The following GLI2 variants were observed in gnomAD, a reference collection of about 807,000 sequenced individuals.
GLI2 encodes the protein GLI family zinc finger 2.
Under a neutral mutation model 78.9 loss-of-function variants are expected in GLI2, and 22 were observed. That is an observed-to-expected ratio of 0.28 (90% CI 0.20 to 0.40). The LOEUF (loss-of-function observed/expected upper bound fraction) is 0.40. Among genes scored for constraint, GLI2 ranks in the 10% least tolerant of loss-of-function variants. The pLI, the probability that GLI2 is intolerant of heterozygous loss-of-function variation, is 1.00. For missense variants in GLI2, 2,097 were observed against 2,213.2 expected (o/e 0.95, Z 1.05); for synonymous variants, 974 against 963.7 (o/e 1.01, Z -0.20).
chr2:120,764,323 G>A (rs707493), intron 1 of GLI2, among the ~76,000 whole-genome samples: 14,791 of 152,272 alleles, frequency 0.097, 1,071 homozygotes, highest in African/African-American at 0.19. Context: ...ACCTCCAGGC[G>A]GTCAGGAGCA....
At chr2:120,775,565 C>T (rs1683652901) in intron 1 of GLI2, among the ~76,000 whole-genome samples, 1 of 152,178 alleles carries the variant, frequency 6.6e-6, no homozygotes, top group African/African-American at 2.4e-5. Context: ...CCATGCACCT[C>T]TCAGCAGAGC....
intron 2 of GLI2, among the ~76,000 whole-genome samples, chr2:120,803,534 C>A (rs563877280): frequency 5.9e-4 from 90 of 152,210 alleles, no homozygotes; most frequent in Non-Finnish European, 1.1e-3. Flanking sequence ...AGGTGGGAAA[C>A]CCAGGTTTCT....
intron 2 of GLI2, among the ~76,000 whole-genome samples, chr2:120,802,660 T>C (rs6726309): frequency 0.58 from 88,068 of 152,034 alleles, 25,960 homozygotes; most frequent in South Asian, 0.7. Context: ...GGGACTACTA[T>C]TCAGAGCCTC....
At chr2:120,811,474 C>A (rs1439509390) in intron 2 of GLI2, among the ~76,000 whole-genome samples, 2 of 152,178 alleles carry the variant, frequency 1.3e-5, no homozygotes, top group African/African-American at 4.8e-5. Context: ...GGTGGCATCG[C>A]TAAGGAGGGC....
At chr2:120,869,549 C>T (rs569778619) in intron 2 of GLI2, among the ~76,000 whole-genome samples, 1 of 152,264 alleles carries the variant, frequency 6.6e-6, no homozygotes, top group African/African-American at 2.4e-5. Flanking sequence ...CACTTGGGTC[C>T]AGCATTCCTC....
chr2:120,873,461 T>C (rs1238728242), intron 2 of GLI2, among the ~76,000 whole-genome samples: 1 of 152,232 alleles, frequency 6.6e-6, no homozygotes, highest in Non-Finnish European at 1.5e-5. Flanking sequence ...CTCTTTGCTG[T>C]CTGGCCTAGT....
chr2:120,758,761 C>T (rs1286087463), intron 1 of GLI2, among the ~76,000 whole-genome samples: 4 of 152,186 alleles, frequency 2.6e-5, no homozygotes, highest in African/African-American at 9.7e-5. Context: ...CCCTGGGGAG[C>T]CCACCATCCA....
At chr2:120,767,957 C>G (rs924077274) in intron 1 of GLI2, among the ~76,000 whole-genome samples, 5 of 152,202 alleles carry the variant, frequency 3.3e-5, no homozygotes, top group African/African-American at 1.2e-4. Flanking sequence ...CCACCACTGC[C>G]ACCCTCACCC....
At chr2:120,745,095 G>A (rs973376169) in intron 1 of GLI2, among the ~76,000 whole-genome samples, 1 of 152,112 alleles carries the variant, frequency 6.6e-6, no homozygotes, top group East Asian at 1.9e-4. Flanking sequence ...TCTAGAGCAG[G>A]GTCTCTCTTT....
intron 1 of GLI2, among the ~76,000 whole-genome samples, chr2:120,752,050 T>C (rs994698764): frequency 1.3e-5 from 2 of 152,210 alleles, no homozygotes; most frequent in African/African-American, 4.8e-5. Flanking sequence ...GAACGGCTGA[T>C]AGTGAGTATG....
chr2:120,929,306 C>G (rs56358840), intron 3 of GLI2, among the ~76,000 whole-genome samples: 67,746 of 152,110 alleles, frequency 0.45, 17,075 homozygotes, highest in Middle Eastern at 0.68. Flanking sequence ...TTAAAGTTGT[C>G]CCGTTCGTAA....
intron 2 of GLI2, among the ~76,000 whole-genome samples, chr2:120,810,754 G>T (rs1288967465): frequency 6.6e-6 from 1 of 152,236 alleles, no homozygotes; most frequent in African/African-American, 2.4e-5. Context: ...GTGGCGTTCT[G>T]GTCCTCCGTA....
At chr2:120,771,447 C>T (rs757446780) in intron 1 of GLI2, among the ~76,000 whole-genome samples, 15 of 152,248 alleles carry the variant, frequency 9.9e-5, no homozygotes, top group African/African-American at 3.1e-4. Context: ...GTTTTCCAAG[C>T]GTCCTTCCTT....
chr2:120,771,878 C>G (rs1223386331), intron 1 of GLI2, among the ~76,000 whole-genome samples: 2 of 152,212 alleles, frequency 1.3e-5, no homozygotes, highest in Non-Finnish European at 2.9e-5. Flanking sequence ...GGCCAACGCC[C>G]ACGGTGCTTG....
intron 2 of GLI2, among the ~76,000 whole-genome samples, chr2:120,913,760 C>T (rs1204858516): frequency 1.3e-5 from 2 of 152,214 alleles, no homozygotes; most frequent in African/African-American, 4.8e-5. Context: ...GTCCAGGTGG[C>T]TGATTCCGCT....
rs1684444308 is a variant in GLI2, at chr2:120,797,357, C to T, written c.37C>T (p.Gln13Ter). The T allele has an allele frequency of 1.2e-6, 2 of 1,613,954 alleles. No homozygotes were observed. The highest frequency in any genetic ancestry group is 2.7e-5 in the African/African-American group (2 of 74,902). The change falls in exon 2 of 14, where the codon CAA (glutamine) becomes TAA (stop). Residue 13 changes from glutamine to a stop codon, truncating the protein, a stop_gained. Transcript: ENST00000361492. LOFTEE classifies it high-confidence loss of function. ...TGCCTCAGCCACTGCCTCCGAGAAG[C>T]AAGAAGCCAAAAGTGGGATCCTGGA... The part of the protein sequence containing the change: ...TSASATASEK[Q>*]EAKSGILEAA...
chr2:120,753,275 C>A (rs1370209271), intron 1 of GLI2, among the ~76,000 whole-genome samples: 1 of 151,780 alleles, frequency 6.6e-6, no homozygotes, highest in Non-Finnish European at 1.5e-5. Context: ...TTTGTATTTT[C>A]AGTAGAGACA....
At chr2:120,817,644 C>T (rs1685562430) in intron 2 of GLI2, among the ~76,000 whole-genome samples, 2 of 152,186 alleles carry the variant, frequency 1.3e-5, no homozygotes, top group East Asian at 1.9e-4. Flanking sequence ...CGCGGGGGCA[C>T]CTGGGTAGCA....
In GLI2 at chr2:120,927,461, G is replaced by GC. The variant is rs1679741752; in HGVS notation, c.250dup (p.His84ProfsTer14). 1 of 1,606,782 alleles carries GC rather than the reference G, an allele frequency of 6.2e-7. No individual in the cohort carries two copies. The highest frequency in any genetic ancestry group is 8.5e-7 in the Non-Finnish European group (1 of 1,173,312). ...ACGAGCCTCATTCTGTCCACGGTGTGCACGGGTAAGTCCTGCCCTCTGCCT... is the reference window on the plus strand; with the variant it reads ...ACGAGCCTCATTCTGTCCACGGTGTGCCACGGGTAAGTCCTGCCCTCTGCCT... On this transcript the variant is annotated frameshift_variant, in exon 3 of 14. Coordinates refer to ENST00000361492, the MANE Select transcript of GLI2 (RefSeq NM_001374353.1). LOFTEE classifies it high-confidence loss of function.
Sources: allele counts gnomAD v4.1 joint callset (sites outside exome capture counted in the v4.1 genomes callset), GRCh38; gene constraint gnomAD v4.1.1; transcripts MANE v1.5; gene names NCBI Gene and HGNC (gene_info 2026-07-23, HGNC 2026-07-21).